ROR1: variants seen among roughly 807,000 people sequenced by gnomAD.
ROR1 encodes ROR family WNT receptor 1, also known as inactive tyrosine-protein kinase transmembrane receptor ROR1.
Under a neutral mutation model 78.8 loss-of-function variants are expected in ROR1, and 19 were observed. The observed-to-expected ratio is 0.24, with a 90% CI of 0.17 to 0.35. The LOEUF (loss-of-function observed/expected upper bound fraction) is 0.35. Among genes scored for constraint, ROR1 ranks in the 10% least tolerant of loss-of-function variants. The probability of loss-of-function intolerance (pLI) is 1.00; values close to 1 mark genes in which losing one functional copy is unlikely to be tolerated. For missense variants in ROR1, 917 were observed against 1,177.8 expected (o/e 0.78, Z 3.24); for synonymous variants, 386 against 433.6 (o/e 0.89, Z 1.36).
At chr1:63,922,625 A>T (rs1645665706) in intron 1 of ROR1, among the ~76,000 whole-genome samples, 1 of 152,146 alleles carries the variant, frequency 6.6e-6, no homozygotes, top group Admixed American at 6.6e-5. Context: ...TTTCCTAGGA[A>T]TAGAGGAGAG....
chr1:63,787,438 T>TTTCCTCCCTTCC (rs1644695508), intron 1 of ROR1, among the ~76,000 whole-genome samples: 1 of 127,738 alleles, frequency 7.8e-6, no homozygotes, highest in African/African-American at 3.0e-5. Flanking sequence ...ATTGCCTTTC[T>TTTCCTCCCTTCC]TTCCTTCCTT....
chr1:64,169,228 G>T (rs1161474890), intron 8 of ROR1, among the ~76,000 whole-genome samples: 1 of 152,204 alleles, frequency 6.6e-6, no homozygotes, highest in Non-Finnish European at 1.5e-5. Context: ...CTCTGATGGG[G>T]TGTATTAGTC....
chr1:64,067,076 G>T (rs1285713731), intron 4 of ROR1, among the ~76,000 whole-genome samples: 1 of 152,132 alleles, frequency 6.6e-6, no homozygotes, highest in East Asian at 1.9e-4. Context: ...GAGGCCAGGC[G>T]CAGTGGCTCA....
chr1:64,016,128 G>A (rs974102399), intron 2 of ROR1, among the ~76,000 whole-genome samples: 2 of 152,094 alleles, frequency 1.3e-5, no homozygotes, highest in Non-Finnish European at 2.9e-5. Context: ...CCAGGTCAAT[G>A]ACCTATTTAA....
chr1:63,791,742 A>G (rs1191175748), intron 1 of ROR1, among the ~76,000 whole-genome samples: 2 of 152,190 alleles, frequency 1.3e-5, no homozygotes, highest in African/African-American at 2.4e-5. Flanking sequence ...CTTTATCTCT[A>G]TAATGGGAAT....
At chr1:64,122,238 C>T (rs1272675666) in intron 4 of ROR1, among the ~76,000 whole-genome samples, 1 of 152,192 alleles carries the variant, frequency 6.6e-6, no homozygotes, top group African/African-American at 2.4e-5. Context: ...GTCATCAATG[C>T]AATTTAACCA....
rs185120723 is a variant in ROR1 at position 63,945,586 on chromosome 1, G to C, written c.92-63719G>C. Among the ~76,000 whole-genome samples the C allele has an allele frequency of 6.0e-4, 91 of 152,178 alleles. No homozygotes were observed. The Middle Eastern group carries it at 0.014, about 23-fold the overall frequency. Reference sequence around the variant, plus strand: ...GAATCAGTCTACTGTTGCCTGGATCGACTTTCCCACTCTCCCTCCCTTTTA... The same window carrying C: ...GAATCAGTCTACTGTTGCCTGGATCCACTTTCCCACTCTCCCTCCCTTTTA... On this transcript the variant is annotated intron_variant, in intron 1 of 8. Transcript: ENST00000371079.
intron 1 of ROR1, among the ~76,000 whole-genome samples, chr1:63,909,818 C>T (rs1278522019): frequency 7.2e-5 from 11 of 152,036 alleles, no homozygotes; most frequent in Admixed American, 2.6e-4. Flanking sequence ...GTTGTTTATT[C>T]GCCTCAGTCT....
intron 1 of ROR1, among the ~76,000 whole-genome samples, chr1:63,840,678 C>A (rs1645044260): frequency 6.6e-6 from 1 of 152,100 alleles, no homozygotes; most frequent in South Asian, 2.1e-4. Context: ...GAGTTCAGTT[C>A]TTTTGTCTTC....
At chr1:64,102,757 G>A (rs1280790725) in intron 4 of ROR1, among the ~76,000 whole-genome samples, 2 of 152,174 alleles carry the variant, frequency 1.3e-5, no homozygotes, top group Non-Finnish European at 2.9e-5. Context: ...TCCGAGCCAT[G>A]GTCTAGGGCA....
intron 1 of ROR1, among the ~76,000 whole-genome samples, chr1:63,906,335 A>G (rs1172795467): frequency 6.6e-6 from 1 of 152,184 alleles, no homozygotes; most frequent in East Asian, 1.9e-4. Flanking sequence ...ATCATTTTGT[A>G]AACATCTGGT....
chr1:63,937,163 G>A (rs1350908052), intron 1 of ROR1, among the ~76,000 whole-genome samples: 2 of 152,162 alleles, frequency 1.3e-5, no homozygotes, highest in African/African-American at 4.8e-5. Flanking sequence ...CAGGCCAGGG[G>A]TCATGTCTCA....
chr1:63,912,135 A>T (rs1286228757), intron 1 of ROR1, among the ~76,000 whole-genome samples: 1 of 152,016 alleles, frequency 6.6e-6, no homozygotes, highest in Non-Finnish European at 1.5e-5. Context: ...AAAAAAAAAA[A>T]AAAAAAATAC....
chr1:64,164,783 G>A (rs1455418245), intron 8 of ROR1, among the ~76,000 whole-genome samples: 2 of 152,060 alleles, frequency 1.3e-5, no homozygotes, highest in East Asian at 3.9e-4. Context: ...CCCAGGGTGT[G>A]TTGTTCCCCT....
intron 2 of ROR1, among the ~76,000 whole-genome samples, chr1:64,046,825 TC>T (rs1037715937): frequency 5.9e-5 from 9 of 152,228 alleles, no homozygotes; most frequent in Non-Finnish European, 2.9e-5. Context: ...AAATTGGACC[TC>T]AGTTCTGCCA....
chr1:63,799,851 C>G (rs1557502569), intron 1 of ROR1, among the ~76,000 whole-genome samples: 1 of 152,102 alleles, frequency 6.6e-6, no homozygotes, highest in Admixed American at 6.5e-5. Context: ...TTGGAAAGCT[C>G]AAGTTTTTAT....
chr1:64,073,321 C>T (rs1366565482), intron 4 of ROR1, among the ~76,000 whole-genome samples: 1 of 152,134 alleles, frequency 6.6e-6, no homozygotes, highest in Non-Finnish European at 1.5e-5. Context: ...TGTGCCCCTT[C>T]CTGCTCCATG....
chr1:63,792,757 A>G (rs1168167890), intron 1 of ROR1, among the ~76,000 whole-genome samples: 5 of 142,848 alleles, frequency 3.5e-5, no homozygotes, highest in Admixed American at 7.5e-5. Context: ...AGAGAATGAG[A>G]GAAAAATGGA....
intron 3 of ROR1, 24 bp downstream of exon 3, chr1:64,050,002 GGACTT>G (rs755859690): frequency 6.7e-5 from 108 of 1,612,028 alleles, no homozygotes; most frequent in Non-Finnish European, 8.7e-5. Context: ...TACTGGGGAT[GGACTT>G]TGGCCCTCAG....
Sources: gnomAD v4.1 joint callset for allele counts (sites outside exome capture counted in the v4.1 genomes callset) on GRCh38, gnomAD v4.1.1 for gene constraint, MANE v1.5 for transcripts, NCBI Gene and HGNC (gene_info 2026-07-23, HGNC 2026-07-21) for gene names.